SPHK1: variants seen among roughly 807,000 people sequenced by gnomAD.
SPHK1 encodes SK 1.
SPHK1 carries 10 observed loss-of-function variants against 14.6 expected under a neutral mutation model. The ratio of observed to expected loss-of-function variants is 0.68; its 90% CI spans 0.42 to 1.16. The LOEUF (loss-of-function observed/expected upper bound fraction) is 1.16, where lower values mean the gene tolerates loss of function less well. Among genes scored for constraint, SPHK1 ranks in the 50% most tolerant of loss-of-function variants. The pLI, the probability that SPHK1 is intolerant of heterozygous loss-of-function variation, is 0.00. For synonymous variants in SPHK1, 274 were observed against 224.0 expected, an observed-to-expected ratio of 1.22 and a Z score of -1.99; for missense variants, 553 against 525.4, an observed-to-expected ratio of 1.05 and a Z score of -0.51.
chr17:76,387,384 A>G lies in SPHK1; in HGVS notation c.953A>G (p.Tyr318Cys). 2 of 1,613,852 alleles carry G rather than the reference A, an allele frequency of 1.2e-6. No homozygotes were observed. Among genetic ancestry groups the G allele is most frequent in the Non-Finnish European group, 1.7e-6 (2 of 1,180,016 alleles). ...AGGCATATGGAGTATGAATGCCCCT[A>G]CTTGGTATATGTGCCCGTGGTCGCC... ...KGRHMEYECP[Y>C]LVYVPVVAFR... The change falls in exon 6 of 6, where the codon TAC becomes TGC. Residue 318 changes from tyrosine (Y) to cysteine (C), a missense_variant. Tyr to Cys is a radical substitution (Grantham distance 194). Coordinates refer to ENST00000592299, the MANE Select transcript of SPHK1 (RefSeq NM_001142601.2). This position sits in a 1 kb window ranked among gnomAD's most constrained non-coding sequence, Gnocchi z 4.1.
rs745346311 is a variant in SPHK1 at position 76,386,941 on chromosome 17, C to A, written c.510C>A (p.Ala170=). 6.2e-6 allele frequency: 10 copies of A among 1,613,550 alleles called. No individual in the cohort carries two copies. The South Asian group carries it at 9.9e-5, about 16-fold the overall frequency. Residue 170 remains alanine, a synonymous_variant, in exon 6 of 6, where the codon GCC becomes GCA. Coordinates refer to ENST00000592299, the MANE Select transcript of SPHK1 (RefSeq NM_001142601.2). This position sits in a 1 kb window ranked among gnomAD's most constrained non-coding sequence, Gnocchi z 5.3. ...GCCTCTTCTCTGTGCTCAGCCTGGC[C>A]TGGGGCTTCATTGCTGATGTGGACC... The part of the protein sequence containing the change: ...GLRLFSVLSL[A]WGFIADVDLE...
upstream of SPHK1, chr17:76,384,199 G>T (rs904791341): frequency 6.3e-6 from 1 of 159,798 alleles, no homozygotes; most frequent in Non-Finnish European, 1.4e-5. Context: ...TCGTGGCGTC[G>T]AGGTGAAACC....
rs1455776323 is a variant in SPHK1, at chr17:76,386,903, G to A, written c.472G>A (p.Ala158Thr). 1 of 1,612,332 alleles carries A rather than the reference G, an allele frequency of 6.2e-7. No individual in the cohort carries two copies. Among genetic ancestry groups the A allele is most frequent in the Admixed American group, 1.7e-5 (1 of 59,936 alleles). ...SPMNLLSLHT[A>T]SGLRLFSVLS... ...CATGAACCTGCTGTCTCTGCACACG[G>A]CTTCGGGGCTGCGCCTCTTCTCTGT... is the stretch of plus-strand genomic sequence containing the variant. Residue 158 changes from alanine to threonine, a missense_variant, in exon 6 of 6, where the codon GCT (alanine) becomes ACT (threonine). By Grantham distance (58) the Ala-to-Thr change is moderately conservative (BLOSUM62 0). Transcript: ENST00000592299. This position sits in a 1 kb window ranked among gnomAD's most constrained non-coding sequence, Gnocchi z 5.3.
Position 76,385,064 on chromosome 17 carries a change from T to A in SPHK1, c.-195+258T>A, listed in dbSNP as rs2071938207. 1.3e-6 allele frequency: 2 copies of A among 1,543,676 alleles called. No homozygotes were observed. The highest frequency in any genetic ancestry group is 1.7e-6 in the Non-Finnish European group (2 of 1,143,890). Reference sequence around the variant, plus strand: ...CGGGCAGGGGACACGGCAACCTGGATGGCTGGGGCAGGGATCCTCTCCCAG... The same window carrying A: ...CGGGCAGGGGACACGGCAACCTGGAAGGCTGGGGCAGGGATCCTCTCCCAG... On this transcript the variant is annotated intron_variant, in intron 1 of 5. Transcript: ENST00000592299. This position sits in a 1 kb window ranked among gnomAD's most constrained non-coding sequence, Gnocchi z 5.3.
In SPHK1 at chr17:76,386,070, G is replaced by A. The variant is rs758144922; in HGVS notation, c.96G>A (p.Gln32=). Residue 32 remains glutamine (Q), a synonymous_variant, in exon 3 of 6, where the codon CAG becomes CAA. Transcript: ENST00000592299. This position sits in a 1 kb window ranked among gnomAD's most constrained non-coding sequence, Gnocchi z 5.3. ...GCGGCGGCAAGGGCAAGGCCTTGCA[G>A]CTCTTCCGGAGTCACGTGCAGCCCC... ...NPRGGKGKAL[Q]LFRSHVQPLL... 1 of 1,607,742 alleles carries A rather than the reference G, an allele frequency of 6.2e-7. No individual in the cohort carries two copies. The highest frequency in any genetic ancestry group is 8.5e-7 in the Non-Finnish European group (1 of 1,177,050).
Position 76,385,219 on chromosome 17 carries a change from C to A in SPHK1, c.-194-232C>A. 1.3e-6 allele frequency: 2 copies of A among 1,550,842 alleles called. No individual in the cohort carries two copies. Among genetic ancestry groups the A allele is most frequent in the Non-Finnish European group, 1.7e-6 (2 of 1,148,026 alleles). ...AGCCACGGGGCTCTGACTCATCCGT[C>A]GGGCCGGAACCGAACCCCAAGCCCC... On this transcript the variant is annotated intron_variant, in intron 1 of 5. Coordinates refer to ENST00000592299, the MANE Select transcript of SPHK1 (RefSeq NM_001142601.2). This position sits in a 1 kb window ranked among gnomAD's most constrained non-coding sequence, Gnocchi z 5.3.
rs907015528 is a variant in SPHK1 at position 76,387,571 on chromosome 17, A to C, written c.1140A>C (p.Pro380=). 1.3e-6 allele frequency: 2 copies of C among 1,596,324 alleles called. No homozygotes were observed. The highest frequency in any genetic ancestry group is 2.2e-5 in the East Asian group (1 of 44,708). The change falls in exon 6 of 6, where the codon CCA becomes CCC. Residue 380 remains proline, a synonymous_variant. Coordinates refer to ENST00000592299, the MANE Select transcript of SPHK1 (RefSeq NM_001142601.2). The surrounding 1 kb of genome is among the most constrained non-coding windows in gnomAD (Gnocchi z 4.1). The stretch of plus-strand genomic sequence containing the variant: ...GGAAGCCCCAGCAGATGCCACCGCC[A>C]GAAGAGCCCTTATGACCCCTGGGCC... ...PSWKPQQMPP[P]EEPL
Position 76,385,836 on chromosome 17 carries a change from C to G in SPHK1, c.11-149C>G. 1 of 1,464,130 alleles carries G rather than the reference C, an allele frequency of 6.8e-7. No individual in the cohort carries two copies. The highest frequency in any genetic ancestry group is 1.4e-5 in the African/African-American group (1 of 71,176). The allele number at this position is 1,464,130 out of a possible 1,614,324, so 90.7% of individuals were successfully genotyped here. On this transcript the variant is annotated intron_variant, in intron 2 of 5. Coordinates refer to ENST00000592299, the MANE Select transcript of SPHK1 (RefSeq NM_001142601.2). The surrounding 1 kb of genome is among the most constrained non-coding windows in gnomAD (Gnocchi z 5.3). Reference sequence around the variant, plus strand: ...GGTGGCAGGGGCGCCGCGTCCCCACCCCAGGTCTCCCAGCAAAGGCCGCTC... The same window carrying G: ...GGTGGCAGGGGCGCCGCGTCCCCACGCCAGGTCTCCCAGCAAAGGCCGCTC...
upstream of SPHK1, chr17:76,383,956 G>A: frequency 9.7e-7 from 1 of 1,035,128 alleles, no homozygotes; most frequent in Non-Finnish European, 1.2e-6. Context: ...CCGGGACAGC[G>A]CGCTAGGCGG....
In SPHK1 at chr17:76,386,355, C is replaced by T. The variant is rs971166446; in HGVS notation, c.259-38C>T. The T allele has an allele frequency of 1.2e-6, 2 of 1,605,236 alleles. No individual in the cohort carries two copies. The highest frequency in any genetic ancestry group is 8.5e-7 in the Non-Finnish European group (1 of 1,175,566). ...GCGCGGCTAGGCCTGGGGCTTGGCG[C>T]GGTGCGTCCCAGGCTGAGGCCACGT... On this transcript the variant is annotated intron_variant, in intron 4 of 5. Transcript: ENST00000592299. This position sits in a 1 kb window ranked among gnomAD's most constrained non-coding sequence, Gnocchi z 5.3.
chr17:76,383,568 C>T (rs912477106), upstream of SPHK1: 3 of 259,208 alleles, frequency 1.2e-5, no homozygotes, highest in South Asian at 5.7e-5. Context: ...GGCGCGCGAG[C>T]CCCGCAGCCT....
rs2071946251 is a variant in SPHK1 at position 76,385,315 on chromosome 17, G to A, written c.-194-136G>A. 1 of 1,455,230 alleles carries A rather than the reference G, an allele frequency of 6.9e-7. No individual in the cohort carries two copies. Among genetic ancestry groups the A allele is most frequent in the Admixed American group, 2.6e-5 (1 of 38,656 alleles). 90.1% of individuals were successfully genotyped at this position (1,455,230 alleles called of 1,614,324 possible). On this transcript the variant is annotated intron_variant, in intron 1 of 5. Coordinates refer to ENST00000592299, the MANE Select transcript of SPHK1 (RefSeq NM_001142601.2). This position sits in a 1 kb window ranked among gnomAD's most constrained non-coding sequence, Gnocchi z 5.3. ...TTAGTCACACGGCGGGGGCGCCCTCGGAGGCACCGGACCTCAGCTCTCTGG... is the reference window on the plus strand; with the variant it reads ...TTAGTCACACGGCGGGGGCGCCCTCAGAGGCACCGGACCTCAGCTCTCTGG...
rs2143622949 is a variant in SPHK1, at chr17:76,384,819, A to G, written c.-195+13A>G. The G allele has an allele frequency of 3.1e-6, 1 of 319,346 alleles. No individual in the cohort carries two copies. Among genetic ancestry groups the G allele is most frequent in the South Asian group, 5.9e-5 (1 of 16,934 alleles). The allele number at this position is 319,346 out of a possible 1,614,324, so 19.8% of individuals were successfully genotyped here. ...CCGGACCGACTGGGTAGGGCCGCCC[A>G]CCCTGCCTTCGCGCCGCTCGTGGCT... On this transcript the variant is annotated intron_variant, in intron 1 of 5. Coordinates refer to ENST00000592299, the MANE Select transcript of SPHK1 (RefSeq NM_001142601.2).
At chr17:76,383,969 T>C, upstream of SPHK1, 1 of 906,546 alleles carries the variant, frequency 1.1e-6, no homozygotes, top group Non-Finnish European at 1.4e-6. Flanking sequence ...CTAGGCGGCC[T>C]CAGGCTCGGT....
Position 76,386,562 on chromosome 17 carries a change from G to T in SPHK1, c.374+54G>T. The T allele has an allele frequency of 6.6e-7, 1 of 1,523,016 alleles. No homozygotes were observed. Among genetic ancestry groups the T allele is most frequent in the East Asian group, 2.3e-5 (1 of 43,856 alleles). The allele number at this position is 1,523,016 out of a possible 1,614,324, so 94.3% of individuals were successfully genotyped here. On this transcript the variant is annotated intron_variant, in intron 5 of 5. Transcript: ENST00000592299. The surrounding 1 kb of genome is among the most constrained non-coding windows in gnomAD (Gnocchi z 5.3). ...TTTCCCGTCAGTGCTCCTCTACCGCGGGGGTTTTCTTGTCTAAGCTCCCAT... is the reference window on the plus strand; with the variant it reads ...TTTCCCGTCAGTGCTCCTCTACCGCTGGGGTTTTCTTGTCTAAGCTCCCAT...
At position 76,385,565 on chromosome 17, in the gene SPHK1, T is replaced by A; in HGVS notation, c.-80T>A. 1 of 1,539,888 alleles carries A rather than the reference T, an allele frequency of 6.5e-7. No homozygotes were observed. The highest frequency in any genetic ancestry group is 8.7e-7 in the Non-Finnish European group (1 of 1,149,334). ...CGCCTGGGCAGCACCGATAAGGAGC[T>A]GAAGGCAGGAGCCGCCGCCACGGGC... On this transcript the variant is annotated 5_prime_UTR_variant, in exon 2 of 6. It removes the in-frame stop codon of an upstream open reading frame in the 5' UTR. Coordinates refer to ENST00000592299, the MANE Select transcript of SPHK1 (RefSeq NM_001142601.2). The surrounding 1 kb of genome is among the most constrained non-coding windows in gnomAD (Gnocchi z 5.3).
upstream of SPHK1, chr17:76,384,394 G>C (rs2071921671): frequency 6.6e-6 from 1 of 150,658 alleles, no homozygotes; most frequent in Admixed American, 6.6e-5. Context: ...GCCAGGTCGC[G>C]GCGCCGCCTT....
At position 76,386,323 on chromosome 17, in the gene SPHK1, C is replaced by T. The variant is rs1482333970; in HGVS notation, c.258+8C>T. On this transcript the variant is annotated splice_region_variant and intron_variant, in intron 4 of 5. Transcript: ENST00000592299. This position sits in a 1 kb window ranked among gnomAD's most constrained non-coding sequence, Gnocchi z 5.3. ...GACGGGCTGATGCACGAGGTGAGGA[C>T]CGCACTGCGCGGCTAGGCCTGGGGC... is the stretch of plus-strand genomic sequence containing the variant. The T allele has an allele frequency of 1.2e-6, 2 of 1,605,528 alleles. No individual in the cohort carries two copies. Among genetic ancestry groups the T allele is most frequent in the Non-Finnish European group, 8.5e-7 (1 of 1,178,162 alleles).
In SPHK1 at chr17:76,386,717, C is replaced by T. The variant is rs561514560; in HGVS notation, c.375-89C>T. On this transcript the variant is annotated intron_variant, in intron 5 of 5. Transcript: ENST00000592299. The surrounding 1 kb of genome is among the most constrained non-coding windows in gnomAD (Gnocchi z 5.3). Reference sequence around the variant, plus strand: ...TGCCAACTCCCCAGGGACCACATGGCGCTTTGCCAGCTCCCACTCCCCGGG... The same window carrying T: ...TGCCAACTCCCCAGGGACCACATGGTGCTTTGCCAGCTCCCACTCCCCGGG... 75 of 1,424,908 alleles carry T rather than the reference C, an allele frequency of 5.3e-5. No homozygotes were observed. In the East Asian group the frequency reaches 1.4e-3, roughly 26 times the overall value. The allele number at this position is 1,424,908 out of a possible 1,614,324, so 88.3% of individuals were successfully genotyped here. A position where few individuals can be genotyped will look rare whatever the true frequency, so the allele number is the denominator to read the frequency against.
Sources: allele counts gnomAD v4.1 joint callset, GRCh38; gene constraint gnomAD v4.1.1; non-coding constraint Gnocchi (gnomAD v3.1); transcripts MANE v1.5; gene names NCBI Gene and HGNC (gene_info 2026-07-23, HGNC 2026-07-21).